Variants in CCN6 observed in about 807,000 individuals in gnomAD.
The protein encoded by CCN6 is CCN family member 6.
CCN6 carries 31 observed loss-of-function variants against 37.4 expected under a neutral mutation model. That is an observed-to-expected ratio of 0.83 (90% confidence interval 0.62 to 1.12). The LOEUF (loss-of-function observed/expected upper bound fraction) is 1.12, where lower values mean the gene tolerates loss of function less well. Ranked by LOEUF, CCN6 falls within the 50% of genes most tolerant of loss-of-function variation. CCN6 has a pLI of 0.00. For missense variants in CCN6, 369 were observed against 413.8 expected (o/e 0.89, Z 0.94); for synonymous variants, 137 against 142.1 (o/e 0.96, Z 0.26).
intron 1 of CCN6, chr6:112,060,057 G>A: frequency 7.3e-7 from 1 of 1,366,544 alleles, no homozygotes; most frequent in Non-Finnish European, 9.8e-7. Context: ...CAGAGAACAA[G>A]GACGCTGGTG....
chr6:112,065,975 G>C (rs1485600714), intron 3 of CCN6, among the ~76,000 whole-genome samples: 1 of 152,126 alleles, frequency 6.6e-6, no homozygotes, highest in Non-Finnish European at 1.5e-5. Flanking sequence ...TTAAAGTTTA[G>C]AGCTTAGTGA....
intron 3 of CCN6, among the ~76,000 whole-genome samples, chr6:112,067,624 G>A (rs587622273): frequency 3.9e-5 from 6 of 152,170 alleles, no homozygotes; most frequent in Admixed American, 2.6e-4. Flanking sequence ...GAAATTATAC[G>A]CTTGCAATGA....
At chr6:112,058,109 C>G (rs1167974837) in intron 1 of CCN6, among the ~76,000 whole-genome samples, 1 of 152,192 alleles carries the variant, frequency 6.6e-6, no homozygotes, top group Non-Finnish European at 1.5e-5. Context: ...TCTAGCTTCA[C>G]TATTTCTACT....
rs148169259 is a variant in CCN6 at position 112,057,553 on chromosome 6, A to G, written c.48+3148A>G. On this transcript the variant is annotated intron_variant, in intron 1 of 4. Coordinates refer to ENST00000368666, the MANE Select transcript of CCN6 (RefSeq NM_198239.2). ...GGAGGAAGACAACCCAGATGAATCCAGCTTCCTGACTCCAAACTTTGAAGA... is the reference window on the plus strand; with the variant it reads ...GGAGGAAGACAACCCAGATGAATCCGGCTTCCTGACTCCAAACTTTGAAGA... 3.1e-4 allele frequency among the ~76,000 whole-genome samples: 47 copies of G among 152,352 alleles called. 1 individual carries two copies. Among genetic ancestry groups the G allele is most frequent in the African/African-American group, 1.1e-3 (47 of 41,586 alleles).
At chr6:112,066,498 T>C (rs1261767028) in intron 3 of CCN6, among the ~76,000 whole-genome samples, 2 of 152,178 alleles carry the variant, frequency 1.3e-5, no homozygotes, top group Admixed American at 1.3e-4. Flanking sequence ...TAGTCAGTCT[T>C]AGTAGTTAGT....
At chr6:112,056,877 A>T (rs936520426) in intron 1 of CCN6, among the ~76,000 whole-genome samples, 13 of 151,122 alleles carry the variant, frequency 8.6e-5, no homozygotes, top group African/African-American at 3.2e-4. Context: ...TCCTTTCAAC[A>T]TTGTCTTTGC....
intron 2 of CCN6, among the ~76,000 whole-genome samples, chr6:112,063,232 T>C (rs1776579145): frequency 6.6e-6 from 1 of 152,212 alleles, no homozygotes; most frequent in Non-Finnish European, 1.5e-5. Context: ...AAGGGAGGAA[T>C]ATTTTAACAG....
rs892597061 is a variant in CCN6, at chr6:112,069,254, G to A, written c.784-85G>A. ...TTTTATTAATGCCTCCAAATACTCA[G>A]ATTTGTACTATAAACTATTCTACAT... On this transcript the variant is annotated intron_variant, in intron 4 of 4. Coordinates refer to ENST00000368666, the MANE Select transcript of CCN6 (RefSeq NM_198239.2). 16 of 1,471,372 alleles carry A rather than the reference G, an allele frequency of 1.1e-5. No individual in the cohort carries two copies. The African/African-American group carries it at 1.1e-4, about 10-fold the overall frequency. The allele number at this position is 1,471,372 out of a possible 1,614,324, so 91.1% of individuals were successfully genotyped here.
In CCN6 at chr6:112,069,661, T is replaced by C. The variant is rs782420754; in HGVS notation, c.*41T>C. The C allele has an allele frequency of 3.7e-6, 6 of 1,610,212 alleles. No individual in the cohort carries two copies. ...GGAAAAGTTAGTCAATCCTGTCATA[T>C]AATAAAAAAATTAGTGAGTATAAAA... On this transcript the variant is annotated 3_prime_UTR_variant, in exon 5 of 5. Transcript: ENST00000368666.
At position 112,054,121 on chromosome 6, in the gene CCN6, C is replaced by G; in HGVS notation, c.-237C>G. 1 of 685,190 alleles carries G rather than the reference C, an allele frequency of 1.5e-6. No homozygotes were observed. The highest frequency in any genetic ancestry group is 1.6e-5 in the South Asian group (1 of 61,482). The allele number at this position is 685,190 out of a possible 1,614,324, so 42.4% of individuals were successfully genotyped here. On this transcript the variant is annotated 5_prime_UTR_variant, in exon 1 of 5. Coordinates refer to ENST00000368666, the MANE Select transcript of CCN6 (RefSeq NM_198239.2). ...GCTCGCCCATTCCTGACCTGTGACA[C>G]GCTCACTGCGAAGGCAGGTTATTAG... is the stretch of plus-strand genomic sequence containing the variant.
In CCN6 at chr6:112,069,397, T is replaced by C. The variant is rs1554314704; in HGVS notation, c.842T>C (p.Val281Ala). ...TFQLSKAEKF[V>A]FSGCSSTQSY... is the part of the protein sequence containing the mutation. Reference sequence around the variant, plus strand: ...CAACTCTCCAAAGCTGAAAAATTTGTCTTTTCTGGATGCTCAAGTACTCAG... The same window carrying C: ...CAACTCTCCAAAGCTGAAAAATTTGCCTTTTCTGGATGCTCAAGTACTCAG... The change falls in exon 5 of 5, where the codon GTC (valine) becomes GCC (alanine). Residue 281 changes from valine (V) to alanine (A), a missense_variant. Physicochemically the swap from Val to Ala is moderately conservative, Grantham distance 64. Coordinates refer to ENST00000368666, the MANE Select transcript of CCN6 (RefSeq NM_198239.2). 3 of 1,613,748 alleles carry C rather than the reference T, an allele frequency of 1.9e-6. No individual in the cohort carries two copies. Among genetic ancestry groups the C allele is most frequent in the Non-Finnish European group, 2.5e-6 (3 of 1,179,882 alleles).
intron 1 of CCN6, among the ~76,000 whole-genome samples, chr6:112,056,303 A>G (rs1554311755): frequency 2.0e-5 from 3 of 152,110 alleles, no homozygotes. Flanking sequence ...TTTACCCAGA[A>G]ACGGTTTTTA....
At chr6:112,067,123 C>G in intron 3 of CCN6, 1 of 979,462 alleles carries the variant, frequency 1.0e-6, no homozygotes, top group Non-Finnish European at 1.4e-6. Context: ...GTCACAGTAT[C>G]AATTAAAATA....
chr6:112,067,433 A>G (rs1776731116), intron 3 of CCN6, among the ~76,000 whole-genome samples: 2 of 152,106 alleles, frequency 1.3e-5, no homozygotes, highest in Admixed American at 6.6e-5. Flanking sequence ...ACCCTCTTAT[A>G]TTCTCTCTTC....
chr6:112,064,759 TGTAGCTGTTGG>T lies in CCN6; in HGVS notation c.354_364del (p.Ala119ArgfsTer9). On this transcript the variant is annotated frameshift_variant, in exon 3 of 5. Transcript: ENST00000368666. LOFTEE classifies it high-confidence loss of function. Reference sequence around the variant, plus strand: ...TTTGCTCTTTTCTCTTTTCAGACCTTGTAGCTGTTGGGTGCGAGTTCAACCAGGTACATTAT... The same window carrying T: ...TTTGCTCTTTTCTCTTTTCAGACCTTGTGCGAGTTCAACCAGGTACATTAT... 6.2e-7 allele frequency: 1 copy of T among 1,614,050 alleles called. No homozygotes were observed. The highest frequency in any genetic ancestry group is 2.2e-5 in the East Asian group (1 of 44,882).
chr6:112,067,514 C>T (rs587744115), intron 3 of CCN6, among the ~76,000 whole-genome samples: 1 of 152,200 alleles, frequency 6.6e-6, no homozygotes, highest in South Asian at 2.1e-4. Flanking sequence ...TCTATTGATC[C>T]ATCCATTCTG....
chr6:112,067,951 ATCT>A (rs1299942172), intron 3 of CCN6, among the ~76,000 whole-genome samples: 26 of 152,186 alleles, frequency 1.7e-4, no homozygotes, highest in African/African-American at 6.3e-4. Context: ...AAATGAGTAA[ATCT>A]TCTCAGTTTT....
At position 112,060,500 on chromosome 6, in the gene CCN6, G is replaced by A. The variant is rs191230895; in HGVS notation, c.49-491G>A. ...AAATATATTGGCATTTGCTTAAATA[G>A]GGAAGTGTGTGGAAGAGCAGAGTGG... On this transcript the variant is annotated intron_variant, in intron 1 of 4. Transcript: ENST00000368666. Among the ~76,000 whole-genome samples, 34 of 152,282 alleles carry A rather than the reference G, an allele frequency of 2.2e-4. No individual in the cohort carries two copies. In the East Asian group the frequency reaches 6.4e-3, roughly 29 times the overall value.
chr6:112,062,217 T>C (rs114750491), intron 2 of CCN6, among the ~76,000 whole-genome samples: 1 of 152,212 alleles, frequency 6.6e-6, no homozygotes, highest in African/African-American at 2.4e-5. Context: ...TCCTAGCTTA[T>C]AGAGTTGCTG....
Sources: allele counts gnomAD v4.1 joint callset (sites outside exome capture counted in the v4.1 genomes callset), GRCh38; gene constraint gnomAD v4.1.1; transcripts MANE v1.5; gene names NCBI Gene and HGNC (gene_info 2026-07-23, HGNC 2026-07-21).